The following TBCEL variants were observed in gnomAD, a reference collection of about 807,000 sequenced individuals.
TBCEL encodes tubulin folding cofactor E like.
A neutral mutation model predicts 44.2 loss-of-function variants in TBCEL; 15 were observed. That is an observed-to-expected ratio of 0.34 (90% CI 0.23 to 0.52). TBCEL has a LOEUF of 0.52. Ranked by LOEUF, TBCEL falls within the 20% of genes least tolerant of loss-of-function variation. The pLI is 0.95. For synonymous variants in TBCEL, 171 were observed against 185.4 expected (o/e 0.92, Z 0.63); for missense variants, 319 against 506.3 (o/e 0.63, Z 3.55).
At chr11:121,031,228 G>C (rs1054706705) in intron 1 of TBCEL, among the ~76,000 whole-genome samples, 1 of 152,152 alleles carries the variant, frequency 6.6e-6, no homozygotes, top group Non-Finnish European at 1.5e-5. Context: ...CTAGATCATA[G>C]AGTATGTGCG....
At position 121,087,018 on chromosome 11, in the gene TBCEL, G is replaced by A; in HGVS notation, c.1197G>A (p.Met399Ile). The A allele has an allele frequency of 6.2e-7, 1 of 1,614,140 alleles. No individual in the cohort carries two copies. The highest frequency in any genetic ancestry group is 8.5e-7 in the Non-Finnish European group (1 of 1,179,990). Residue 399 changes from methionine to isoleucine, a missense_variant, in exon 9 of 9, where the codon ATG becomes ATA. Physicochemically the swap from Met to Ile is conservative, Grantham distance 10. Coordinates refer to ENST00000683345, the MANE Select transcript of TBCEL (RefSeq NM_001363644.2). ...AAGCACCCTTTGGCCCAGAGGAAAT[G>A]AAGTACAGCTCTCGGGCATTGCATT... is the stretch of plus-strand genomic sequence containing the variant. ...DHEAPFGPEE[M>I]KYSSRALHSF...
At chr11:121,066,272 T>A (rs1172874538) in intron 8 of TBCEL, among the ~76,000 whole-genome samples, 1 of 152,218 alleles carries the variant, frequency 6.6e-6, no homozygotes, top group Non-Finnish European at 1.5e-5. Context: ...TTGTGAATAA[T>A]CTCTGTTAGA....
chr11:121,062,672 G>A (rs990015758), intron 8 of TBCEL, among the ~76,000 whole-genome samples: 5 of 152,140 alleles, frequency 3.3e-5, no homozygotes, highest in Non-Finnish European at 5.9e-5. Context: ...TCTTGAATGC[G>A]AGTCATAGAA....
chr11:121,030,366 T>C (rs1945122101), intron 1 of TBCEL, among the ~76,000 whole-genome samples: 1 of 152,080 alleles, frequency 6.6e-6, no homozygotes, highest in Non-Finnish European at 1.5e-5. Context: ...AGGGGAGCCA[T>C]TGGAGAGTGT....
intron 1 of TBCEL, among the ~76,000 whole-genome samples, chr11:121,028,026 G>A (rs188012740): frequency 3.4e-4 from 52 of 152,084 alleles, no homozygotes; most frequent in Non-Finnish European, 6.5e-4. Context: ...GGCAACGTAG[G>A]GAGACCCATC....
intron 1 of TBCEL, chr11:121,035,772 A>G (rs1316069354): frequency 6.6e-6 from 1 of 152,190 alleles, no homozygotes; most frequent in Non-Finnish European, 1.5e-5. Flanking sequence ...TTCTGATGAA[A>G]CCTAATGTAT....
chr11:121,086,712 T>C (rs1008252320), intron 8 of TBCEL, 66 bp from the exon 9 acceptor site: 64 of 1,187,464 alleles, frequency 5.4e-5, no homozygotes, highest in Non-Finnish European at 7.5e-5. Flanking sequence ...TATCTGTAGT[T>C]GGGAAGAAGT....
Position 121,090,428 on chromosome 11 carries a change from C to T in TBCEL, c.*3332C>T, listed in dbSNP as rs1051561329. 1.3e-5 allele frequency: 2 copies of T among 152,056 alleles called. No individual in the cohort carries two copies. Among genetic ancestry groups the T allele is most frequent in the African/African-American group, 2.4e-5 (1 of 41,414 alleles). The allele number at this position is 152,056 out of a possible 1,614,324, so 9.4% of individuals were successfully genotyped here. A position where few individuals can be genotyped will look rare whatever the true frequency, so the allele number is the denominator to read the frequency against. ...TAGATTGTTCTAAGTAATGTCATTTCGGTTTGTGAATTTGATTTTTCCCTT... is the reference window on the plus strand; with the variant it reads ...TAGATTGTTCTAAGTAATGTCATTTTGGTTTGTGAATTTGATTTTTCCCTT... On this transcript the variant is annotated 3_prime_UTR_variant, in exon 9 of 9. Coordinates refer to ENST00000683345, the MANE Select transcript of TBCEL (RefSeq NM_001363644.2).
chr11:121,059,213 A>G (rs916485783), intron 7 of TBCEL, among the ~76,000 whole-genome samples: 20 of 151,978 alleles, frequency 1.3e-4, no homozygotes, highest in Non-Finnish European at 2.2e-4. Context: ...GCAGATCCTT[A>G]TGCTTTGCAG....
chr11:121,057,518 C>T, intron 6 of TBCEL: 1 of 430,582 alleles, frequency 2.3e-6, no homozygotes, highest in Non-Finnish European at 4.6e-6. Flanking sequence ...ATCCATCTCT[C>T]CTGTCACCAA....
intron 8 of TBCEL, among the ~76,000 whole-genome samples, chr11:121,071,004 A>G (rs1406044065): frequency 6.6e-6 from 1 of 152,192 alleles, no homozygotes; most frequent in South Asian, 2.1e-4. Context: ...ACACATCGTG[A>G]AGTTGTACTT....
chr11:121,057,677 A>G (rs1253036647), intron 6 of TBCEL: 6 of 448,064 alleles, frequency 1.3e-5, no homozygotes, highest in Non-Finnish European at 2.2e-5. Context: ...TAAACAATAC[A>G]GTATCACAAT....
intron 4 of TBCEL, among the ~76,000 whole-genome samples, chr11:121,053,184 T>C (rs1184077179): frequency 6.6e-6 from 1 of 151,922 alleles, no homozygotes; most frequent in Non-Finnish European, 1.5e-5. Context: ...AAGAGGATTA[T>C]ATGAACTAAT....
intron 8 of TBCEL, among the ~76,000 whole-genome samples, chr11:121,076,349 T>A (rs1939933): frequency 0.069 from 10,542 of 151,974 alleles, 433 homozygotes; most frequent in Middle Eastern, 0.16. Flanking sequence ...GTATTTTTTT[T>A]AAAAATGGTG....
rs775885228 is a variant in TBCEL at position 121,086,853 on chromosome 11, A to G, written c.1032A>G (p.Ala344=). The part of the protein sequence containing the change: ...AEVDLRPQSS[A]KVEVHFNDQV... ...TGGACCTAAGACCCCAGAGCAGTGC[A>G]AAAGTAGAAGTCCACTTTAACGATC... Residue 344 remains alanine, a synonymous_variant, in exon 9 of 9, where the codon GCA becomes GCG. Transcript: ENST00000683345. 1.9e-5 allele frequency: 31 copies of G among 1,613,960 alleles called. No homozygotes were observed. Among genetic ancestry groups the G allele is most frequent in the Non-Finnish European group, 2.5e-5 (29 of 1,179,972 alleles).
At chr11:121,039,793 AT>A (rs1270976755) in intron 2 of TBCEL, among the ~76,000 whole-genome samples, 2 of 152,330 alleles carry the variant, frequency 1.3e-5, no homozygotes, top group East Asian at 3.9e-4. Context: ...TAAAGGTGAA[AT>A]TGTGGAGCCT....
intron 4 of TBCEL, among the ~76,000 whole-genome samples, chr11:121,050,037 A>G: frequency 6.6e-6 from 1 of 151,666 alleles, no homozygotes; most frequent in East Asian, 1.9e-4. Flanking sequence ...CCATTTTCTA[A>G]TTTATTTTTG....
intron 1 of TBCEL, among the ~76,000 whole-genome samples, chr11:121,025,500 A>G (rs886425994): frequency 1.3e-5 from 2 of 152,110 alleles, no homozygotes; most frequent in Non-Finnish European, 2.9e-5. Context: ...ACAAAGCAGT[A>G]TTTACCCTTA....
chr11:121,056,436 C>T (rs1945622193), intron 6 of TBCEL, among the ~76,000 whole-genome samples: 1 of 151,942 alleles, frequency 6.6e-6, no homozygotes, highest in East Asian at 1.9e-4. Flanking sequence ...AATAAAGCTG[C>T]TGTAAACATC....
Sources: gnomAD v4.1 joint callset for allele counts (sites outside exome capture counted in the v4.1 genomes callset) on GRCh38, gnomAD v4.1.1 for gene constraint, MANE v1.5 for transcripts, NCBI Gene and HGNC (gene_info 2026-07-23, HGNC 2026-07-21) for gene names.